The following FTO variants were observed in gnomAD, a reference collection of about 807,000 sequenced individuals.
The protein encoded by FTO is alpha-ketoglutarate-dependent dioxygenase FTO.
Under a neutral mutation model 63.9 loss-of-function variants are expected in FTO, and 47 were observed. The observed-to-expected ratio is 0.74, with a 90% CI of 0.58 to 0.94. FTO has a LOEUF of 0.94. Among genes scored for constraint, FTO ranks in the 40% least tolerant of loss-of-function variants. The pLI is 0.00. For synonymous variants in FTO, 207 were observed against 224.4 expected (o/e 0.92, Z 0.69); for missense variants, 562 against 618.1 (o/e 0.91, Z 0.96).
At chr16:53,913,037 T>G (rs1219065754) in intron 7 of FTO, among the ~76,000 whole-genome samples, 1 of 152,220 alleles carries the variant, frequency 6.6e-6, no homozygotes, top group Admixed American at 6.5e-5. Flanking sequence ...AGATTTTCTT[T>G]GATGTATGGG....
chr16:54,011,431 AC>A (rs1458762551), intron 8 of FTO, among the ~76,000 whole-genome samples: 1 of 152,184 alleles, frequency 6.6e-6, no homozygotes, highest in African/African-American at 2.4e-5. Context: ...AGAAAGCAGG[AC>A]CCTATATCTA....
At chr16:54,070,421 C>T (rs1235061114) in intron 8 of FTO, 3 of 152,080 alleles carry the variant, frequency 2.0e-5, no homozygotes, top group Middle Eastern at 3.2e-3. Context: ...TCTTTATTCA[C>T]GATTCTGAAC....
rs570845566 is a variant in FTO at position 53,998,985 on chromosome 16, C to T, written c.1364+64876C>T. On this transcript the variant is annotated intron_variant, in intron 8 of 8. Coordinates refer to ENST00000471389, the MANE Select transcript of FTO (RefSeq NM_001080432.3). ...ATTATGTTAAGAAAGTAACCCTTTC[C>T]CTCCAAAAAAGGAAACTTCCATAAC... 2.0e-5 allele frequency among the ~76,000 whole-genome samples: 3 copies of T among 152,200 alleles called. No individual in the cohort carries two copies. In the South Asian group the frequency reaches 6.2e-4, roughly 32 times the overall value.
intron 6 of FTO, among the ~76,000 whole-genome samples, chr16:53,880,928 C>T (rs1228201584): frequency 1.1e-4 from 14 of 131,590 alleles, no homozygotes; most frequent in Middle Eastern, 3.5e-3. Context: ...AGTGAAACCC[C>T]GTCTCTACTA....
At chr16:53,916,315 A>G (rs995325265) in intron 7 of FTO, among the ~76,000 whole-genome samples, 4 of 152,116 alleles carry the variant, frequency 2.6e-5, no homozygotes, top group African/African-American at 9.7e-5. Context: ...GGGTACCACT[A>G]TCCGGTTCAT....
chr16:53,834,817 T>A (rs2151797285), intron 3 of FTO, among the ~76,000 whole-genome samples: 1 of 152,316 alleles, frequency 6.6e-6, no homozygotes, highest in African/African-American at 2.4e-5. Flanking sequence ...TTACATTGTT[T>A]TGAACATTAT....
At chr16:54,004,881 T>C (rs780508727) in intron 8 of FTO, among the ~76,000 whole-genome samples, 15 of 151,878 alleles carry the variant, frequency 9.9e-5, no homozygotes, top group Non-Finnish European at 1.9e-4. Flanking sequence ...CCATCCTGGC[T>C]AGTACAGTGA....
At chr16:54,055,118 G>A (rs2085401553) in intron 8 of FTO, among the ~76,000 whole-genome samples, 1 of 152,216 alleles carries the variant, frequency 6.6e-6, no homozygotes. Flanking sequence ...AGCGAACTAG[G>A]ATTAAGTGGG....
At chr16:53,892,357 T>C (rs1428808960) in intron 7 of FTO, among the ~76,000 whole-genome samples, 2 of 152,148 alleles carry the variant, frequency 1.3e-5, no homozygotes, top group African/African-American at 4.8e-5. Flanking sequence ...ATTATCCCTG[T>C]TGCTTCAAGT....
intron 1 of FTO, among the ~76,000 whole-genome samples, chr16:53,765,684 C>G (rs931263887): frequency 1.3e-5 from 2 of 152,026 alleles, no homozygotes; most frequent in African/African-American, 2.4e-5. Context: ...GGTCTGAGGT[C>G]ACCTTTGATG....
chr16:54,103,302 C>T (rs1172053117), intron 8 of FTO, among the ~76,000 whole-genome samples: 3 of 152,146 alleles, frequency 2.0e-5, no homozygotes, highest in Non-Finnish European at 4.4e-5. Flanking sequence ...GACTTCTCAC[C>T]TCTTCCCAGA....
intron 8 of FTO, among the ~76,000 whole-genome samples, chr16:53,965,031 G>A (rs980664814): frequency 2.0e-5 from 3 of 152,128 alleles, no homozygotes; most frequent in Admixed American, 6.5e-5. Flanking sequence ...CCTAACAATT[G>A]TAATAGTTTC....
In FTO at chr16:53,934,090, A is replaced by T. The variant is rs1362586808; in HGVS notation, c.1345A>T (p.Arg449Trp). The change falls in exon 8 of 9, where the codon AGG becomes TGG. Residue 449 changes from arginine (R) to tryptophan (W), a missense_variant. Transcript: ENST00000471389. ...CTCGCTCACTGCACGCCAGAACCTG[A>T]GGAGAGAATGGCATGCCAGGTTAGT... ...LASLTARQNLRREWHARCQSR... is the reference protein window; with the variant it reads ...LASLTARQNLWREWHARCQSR... The T allele has an allele frequency of 1.4e-5, 23 of 1,614,048 alleles. No individual in the cohort carries two copies. The highest frequency in any genetic ancestry group is 1.9e-5 in the Non-Finnish European group (22 of 1,179,988).
chr16:53,874,401 C>CCATG (rs1266450640), intron 5 of FTO, among the ~76,000 whole-genome samples: 26 of 152,120 alleles, frequency 1.7e-4, no homozygotes, highest in African/African-American at 5.8e-4. Flanking sequence ...TTGCAATGGC[C>CCATG]CATGGTTAGC....
At chr16:54,030,775 T>C (rs2084810104) in intron 8 of FTO, among the ~76,000 whole-genome samples, 1 of 152,114 alleles carries the variant, frequency 6.6e-6, no homozygotes, top group Non-Finnish European at 1.5e-5. Flanking sequence ...AAAGTAAAAC[T>C]CTAATAAAGG....
intron 8 of FTO, among the ~76,000 whole-genome samples, chr16:54,055,130 G>T (rs1272381375): frequency 6.6e-6 from 1 of 152,214 alleles, no homozygotes; most frequent in Non-Finnish European, 1.5e-5. Context: ...TTAAGTGGGC[G>T]ACAGGGCCCA....
chr16:53,912,490 C>G (rs552622162), intron 7 of FTO, among the ~76,000 whole-genome samples: 1 of 152,178 alleles, frequency 6.6e-6, no homozygotes, highest in African/African-American at 2.4e-5. Context: ...AGTGAATAGA[C>G]TTCTTTTCTA....
At chr16:53,773,496 A>G (rs941678205) in intron 1 of FTO, among the ~76,000 whole-genome samples, 4 of 152,180 alleles carry the variant, frequency 2.6e-5, no homozygotes, top group Non-Finnish European at 5.9e-5. Flanking sequence ...GCCCTGAAAC[A>G]TGCACCTCTT....
At chr16:53,989,340 CG>C (rs1319583996) in intron 8 of FTO, among the ~76,000 whole-genome samples, 1 of 151,956 alleles carries the variant, frequency 6.6e-6, no homozygotes, top group African/African-American at 2.4e-5. Context: ...CACCAGCAGA[CG>C]ACATAAAGCA....
Sources: allele counts gnomAD v4.1 joint callset (sites outside exome capture counted in the v4.1 genomes callset), GRCh38; gene constraint gnomAD v4.1.1; transcripts MANE v1.5; gene names NCBI Gene and HGNC (gene_info 2026-07-23, HGNC 2026-07-21).